ATRNL1: variants seen among roughly 807,000 people sequenced by gnomAD.
ATRNL1 encodes the protein attractin-like protein 1.
A neutral mutation model predicts 182.7 loss-of-function variants in ATRNL1; 95 were observed. That is an observed-to-expected ratio of 0.52 (90% CI 0.44 to 0.62). The LOEUF is 0.62. Ranked by LOEUF, ATRNL1 falls within the 20% of genes least tolerant of loss-of-function variation. The probability of loss-of-function intolerance (pLI) is 0.00; values close to 1 mark genes in which losing one functional copy is unlikely to be tolerated. For synonymous variants in ATRNL1, 576 were observed against 568.3 expected, an observed-to-expected ratio of 1.01 and a Z score of -0.19; for missense variants, 1,471 against 1,679.5, an observed-to-expected ratio of 0.88 and a Z score of 2.17.
intron 27 of ATRNL1, among the ~76,000 whole-genome samples, chr10:115,819,583 C>T (rs1218363180): frequency 8.5e-5 from 13 of 152,072 alleles, no homozygotes; most frequent in Non-Finnish European, 4.4e-5. Flanking sequence ...TTTTTATTAT[C>T]ATTCTGCCTA....
chr10:115,792,634 T>C lies in ATRNL1; in HGVS notation c.3904-55243T>C, dbSNP rs887390801. The stretch of plus-strand genomic sequence containing the variant: ...ACAAAAGTTGTGGAGCAGTAAATTA[T>C]CCATAGATAGTCTAGAAGCTCTTTT... On this transcript the variant is annotated intron_variant, in intron 27 of 28. Coordinates refer to ENST00000355044, the MANE Select transcript of ATRNL1 (RefSeq NM_207303.4). 1.7e-4 allele frequency among the ~76,000 whole-genome samples: 26 copies of C among 152,216 alleles called. No individual in the cohort carries two copies. The East Asian group carries it at 5.0e-3, about 29-fold the overall frequency.
intron 25 of ATRNL1, among the ~76,000 whole-genome samples, chr10:115,521,118 T>C (rs1323600679): frequency 6.6e-6 from 1 of 150,838 alleles, no homozygotes; most frequent in Non-Finnish European, 1.5e-5. Context: ...ACAAGCATTA[T>C]TGAATGCATT....
intron 26 of ATRNL1, among the ~76,000 whole-genome samples, chr10:115,658,602 T>G (rs1355486050): frequency 6.6e-6 from 1 of 152,106 alleles, no homozygotes; most frequent in African/African-American, 2.4e-5. Context: ...CCAGGGGGTA[T>G]AGTATCCTCC....
intron 28 of ATRNL1, among the ~76,000 whole-genome samples, chr10:115,849,438 G>A (rs964238682): frequency 6.6e-6 from 1 of 152,032 alleles, no homozygotes; most frequent in Non-Finnish European, 1.5e-5. Context: ...GGTTTTTCTC[G>A]ATCCTTCACG....
At chr10:115,543,154 T>A (rs1852456432) in intron 25 of ATRNL1, among the ~76,000 whole-genome samples, 1 of 152,162 alleles carries the variant, frequency 6.6e-6, no homozygotes, top group South Asian at 2.1e-4. Flanking sequence ...TTTGAAATAA[T>A]CTTAACTAAT....
chr10:115,561,881 A>G (rs1374466473), intron 26 of ATRNL1, among the ~76,000 whole-genome samples: 1 of 152,116 alleles, frequency 6.6e-6, no homozygotes, highest in Non-Finnish European at 1.5e-5. Flanking sequence ...TATCACCAAA[A>G]TGTTGGTGAG....
intron 27 of ATRNL1, among the ~76,000 whole-genome samples, chr10:115,742,620 G>A (rs782773713): frequency 5.9e-5 from 9 of 152,132 alleles, no homozygotes; most frequent in Middle Eastern, 3.4e-3. Flanking sequence ...ATTGAGCTCT[G>A]CCTGTTCTAC....
At chr10:115,334,237 G>A in intron 18 of ATRNL1, 45 bp from the exon 19 acceptor site, 1 of 1,283,200 alleles carries the variant, frequency 7.8e-7, no homozygotes, top group East Asian at 2.5e-5. Flanking sequence ...TATTATACTT[G>A]ATATTATGTT....
At chr10:115,481,555 T>C (rs187850532) in intron 24 of ATRNL1, among the ~76,000 whole-genome samples, 1 of 150,792 alleles carries the variant, frequency 6.6e-6, no homozygotes, top group Admixed American at 6.6e-5. Flanking sequence ...CAGTAGGCAA[T>C]TGAATTGAGA....
chr10:115,574,888 CAAATG>C (rs1322899892), intron 26 of ATRNL1, among the ~76,000 whole-genome samples: 1 of 152,086 alleles, frequency 6.6e-6, no homozygotes, highest in Non-Finnish European at 1.5e-5. Flanking sequence ...TGCTAATAGA[CAAATG>C]TAAATCATTT....
intron 27 of ATRNL1, among the ~76,000 whole-genome samples, chr10:115,825,781 G>A (rs1209195392): frequency 3.3e-5 from 5 of 152,132 alleles, no homozygotes; most frequent in Middle Eastern, 3.2e-3. Context: ...TCTCCTGGAA[G>A]ATTCCTGGCT....
At chr10:115,216,354 A>G (rs1849232137) in intron 9 of ATRNL1, among the ~76,000 whole-genome samples, 1 of 152,194 alleles carries the variant, frequency 6.6e-6, no homozygotes, top group Non-Finnish European at 1.5e-5. Flanking sequence ...TCACTGTGGT[A>G]ATGTGTATAT....
intron 28 of ATRNL1, among the ~76,000 whole-genome samples, chr10:115,879,558 T>C (rs1279823848): frequency 6.6e-6 from 1 of 151,460 alleles, no homozygotes; most frequent in Non-Finnish European, 1.5e-5. Context: ...GTAAAGGGAG[T>C]TGTGAGAAAG....
chr10:115,718,988 C>T (rs781814441), intron 26 of ATRNL1, among the ~76,000 whole-genome samples: 2 of 152,090 alleles, frequency 1.3e-5, no homozygotes, highest in Non-Finnish European at 2.9e-5. Context: ...AGTAGGAGCT[C>T]AGTAAAAATT....
intron 26 of ATRNL1, among the ~76,000 whole-genome samples, chr10:115,718,723 C>T (rs1295684418): frequency 6.6e-6 from 1 of 152,188 alleles, no homozygotes; most frequent in African/African-American, 2.4e-5. Context: ...CGAAGAGTCA[C>T]CTTCAAAAAT....
At chr10:115,632,935 C>G (rs1858611539) in intron 26 of ATRNL1, among the ~76,000 whole-genome samples, 1 of 107,056 alleles carries the variant, frequency 9.3e-6, no homozygotes, top group Admixed American at 1.2e-4. Flanking sequence ...CTCTGTCGCC[C>G]AGGCTGGTGT....
At position 115,375,594 on chromosome 10, in the gene ATRNL1, A is replaced by G. The variant is rs1318707582; in HGVS notation, c.3176-19065A>G. ...TGTTTTGTTGTATTTTTATAGTGGT[A>G]TGCTCTCATTCTTTTTTCTTTATCT... On this transcript the variant is annotated intron_variant, in intron 19 of 28. Transcript: ENST00000355044. Among the ~76,000 whole-genome samples, 6 of 151,890 alleles carry G rather than the reference A, an allele frequency of 4.0e-5. No homozygotes were observed. The East Asian group carries it at 1.2e-3, about 29-fold the overall frequency.
chr10:115,407,527 T>C lies in ATRNL1; in HGVS notation c.3269+12775T>C, dbSNP rs146654147. Among the ~76,000 whole-genome samples the C allele has an allele frequency of 4.6e-3, 695 of 152,298 alleles. 4 individuals are homozygous for C. Among genetic ancestry groups the C allele is most frequent in the African/African-American group, 0.016 (665 of 41,558 alleles). ...GCTTATTTCACTTCATGTAATGTCT[T>C]CCAGTTCCATCCATGTTGCCACGAA... On this transcript the variant is annotated intron_variant, in intron 20 of 28. Coordinates refer to ENST00000355044, the MANE Select transcript of ATRNL1 (RefSeq NM_207303.4).
At chr10:115,761,589 G>T (rs963645110) in intron 27 of ATRNL1, among the ~76,000 whole-genome samples, 2 of 152,164 alleles carry the variant, frequency 1.3e-5, no homozygotes, top group African/African-American at 4.8e-5. Flanking sequence ...AAAGAATTGA[G>T]ATGACTTACA....
Sources: allele counts gnomAD v4.1 joint callset (sites outside exome capture counted in the v4.1 genomes callset), GRCh38; gene constraint gnomAD v4.1.1; transcripts MANE v1.5; gene names NCBI Gene and HGNC (gene_info 2026-07-23, HGNC 2026-07-21).